Variants in CDC42BPA observed in about 807,000 individuals in gnomAD.
CDC42BPA encodes the protein serine/threonine-protein kinase MRCK alpha.
Under a neutral mutation model 223.5 loss-of-function variants are expected in CDC42BPA, and 80 were observed. The ratio of observed to expected loss-of-function variants is 0.36; its 90% CI spans 0.30 to 0.43. CDC42BPA has a LOEUF of 0.43. Ranked by LOEUF, CDC42BPA falls within the 20% of genes least tolerant of loss-of-function variation. The pLI is 1.00. For synonymous variants in CDC42BPA, 694 were observed against 718.6 expected (o/e 0.97, Z 0.55); for missense variants, 1,743 against 2,099.9 (o/e 0.83, Z 3.32).
chr1:227,308,590 A>G (rs116348794), intron 1 of CDC42BPA, among the ~76,000 whole-genome samples: 7 of 152,198 alleles, frequency 4.6e-5, no homozygotes, highest in African/African-American at 1.7e-4. Context: ...AGAATCCTAA[A>G]CCAACTTTTA....
intron 34 of CDC42BPA, among the ~76,000 whole-genome samples, chr1:227,007,776 T>C (rs888335089): frequency 6.6e-6 from 1 of 152,366 alleles, no homozygotes; most frequent in Non-Finnish European, 1.5e-5. Flanking sequence ...GTATGACTTA[T>C]GTTTATTCAT....
chr1:227,049,565 G>C (rs1673123940), intron 22 of CDC42BPA, among the ~76,000 whole-genome samples: 2 of 152,028 alleles, frequency 1.3e-5, no homozygotes, highest in Admixed American at 6.6e-5. Flanking sequence ...GACCTTAAAA[G>C]TAATATGAAA....
At chr1:227,136,376 G>C (rs1280220077) in intron 10 of CDC42BPA, among the ~76,000 whole-genome samples, 3 of 152,090 alleles carry the variant, frequency 2.0e-5, no homozygotes, top group African/African-American at 4.8e-5. Flanking sequence ...GGAAGGAACA[G>C]AACAGAGCAT....
At chr1:227,156,810 G>A (rs540003644) in intron 6 of CDC42BPA, among the ~76,000 whole-genome samples, 1 of 152,262 alleles carries the variant, frequency 6.6e-6, no homozygotes, top group Non-Finnish European at 1.5e-5. Flanking sequence ...CAGGACTGGA[G>A]AATCACTAGC....
chr1:227,232,374 T>A (rs1678146724), intron 2 of CDC42BPA, among the ~76,000 whole-genome samples: 1 of 152,200 alleles, frequency 6.6e-6, no homozygotes, highest in South Asian at 2.1e-4. Flanking sequence ...GCTGTTTTGG[T>A]TACTGTAGCC....
At chr1:227,301,628 G>C (rs1691647116) in intron 1 of CDC42BPA, among the ~76,000 whole-genome samples, 2 of 152,094 alleles carry the variant, frequency 1.3e-5, no homozygotes, top group South Asian at 2.1e-4. Flanking sequence ...AAAATGCTGG[G>C]ATTACAGGCA....
At chr1:227,071,746 G>T (rs1678422478) in intron 20 of CDC42BPA, among the ~76,000 whole-genome samples, 1 of 116,010 alleles carries the variant, frequency 8.6e-6, no homozygotes, top group Non-Finnish European at 1.6e-5. Flanking sequence ...TACATTCTAG[G>T]CACATAAAAA....
chr1:227,213,703 G>A (rs1674339049), intron 2 of CDC42BPA, among the ~76,000 whole-genome samples: 1 of 151,908 alleles, frequency 6.6e-6, no homozygotes, highest in Admixed American at 6.6e-5. Context: ...AACTGAAAAC[G>A]ATCCTATTTT....
At chr1:227,053,697 A>T (rs1673992081) in intron 21 of CDC42BPA, among the ~76,000 whole-genome samples, 1 of 152,204 alleles carries the variant, frequency 6.6e-6, no homozygotes, top group South Asian at 2.1e-4. Context: ...AGGCTAAGTT[A>T]TATTATTTCC....
intron 6 of CDC42BPA, among the ~76,000 whole-genome samples, chr1:227,151,315 T>C (rs1661709500): frequency 6.6e-6 from 1 of 152,240 alleles, no homozygotes; most frequent in Non-Finnish European, 1.5e-5. Flanking sequence ...ATCCATGTTG[T>C]AGCACGTGTC....
At chr1:227,031,082 A>G (rs1020493555) in intron 28 of CDC42BPA, among the ~76,000 whole-genome samples, 10 of 151,748 alleles carry the variant, frequency 6.6e-5, no homozygotes, top group African/African-American at 1.2e-4. Flanking sequence ...TTTTTTCAGG[A>G]AAAAAAAGGC....
intron 2 of CDC42BPA, among the ~76,000 whole-genome samples, chr1:227,237,284 C>G (rs1054625240): frequency 7.9e-5 from 12 of 152,054 alleles, no homozygotes; most frequent in Non-Finnish European, 1.3e-4. Flanking sequence ...ATGAGTAATA[C>G]ATTTACATGC....
chr1:227,085,108 C>T (rs74140289), intron 16 of CDC42BPA, among the ~76,000 whole-genome samples: 8,818 of 152,106 alleles, frequency 0.058, 847 homozygotes, highest in African/African-American at 0.2. Context: ...ATGCAGATCT[C>T]GGGACTTGTC....
intron 35 of CDC42BPA, among the ~76,000 whole-genome samples, chr1:226,999,050 T>A (rs956561950): frequency 6.6e-6 from 1 of 152,030 alleles, no homozygotes; most frequent in Non-Finnish European, 1.5e-5. Flanking sequence ...AAAAAGCTCA[T>A]CATCACTGGT....
chr1:227,226,257 C>T (rs542707669), intron 2 of CDC42BPA, among the ~76,000 whole-genome samples: 2 of 152,326 alleles, frequency 1.3e-5, no homozygotes, highest in East Asian at 1.9e-4. Context: ...CTCCGAGATT[C>T]CAAGTCAGAA....
At position 227,228,622 on chromosome 1, in the gene CDC42BPA, T is replaced by C. The variant is rs556699038; in HGVS notation, c.271-15403A>G. Among the ~76,000 whole-genome samples the C allele has an allele frequency of 1.5e-4, 23 of 152,286 alleles. 1 individual carries two copies. In the South Asian group the frequency reaches 4.8e-3, roughly 32 times the overall value. ...GGAACTCTCTAATTTCTTTACAAAG[T>C]GGTTACACTATTTTACATTCTACCA... On this transcript the variant is annotated intron_variant, in intron 2 of 36. Transcript: ENST00000366766.
chr1:227,015,088 C>T (rs61834005), intron 34 of CDC42BPA, among the ~76,000 whole-genome samples: 63,526 of 151,448 alleles, frequency 0.42, 13,598 homozygotes, highest in Non-Finnish European at 0.46. Flanking sequence ...CCCGAGTAAC[C>T]AGGACTACAG....
At chr1:227,034,870 C>T in intron 25 of CDC42BPA, 76 bp from the exon 26 acceptor site, 1 of 1,296,974 alleles carries the variant, frequency 7.7e-7, no homozygotes, top group Non-Finnish European at 1.1e-6. Flanking sequence ...TATGTAATTG[C>T]ATGGTGAAGA....
intron 14 of CDC42BPA, among the ~76,000 whole-genome samples, chr1:227,104,033 AAG>A (rs1275419384): frequency 4.6e-5 from 7 of 152,160 alleles, no homozygotes; most frequent in African/African-American, 1.7e-4. Flanking sequence ...ACACTTCAAA[AAG>A]TAAAATTTTT....
Sources: gnomAD v4.1 joint callset for allele counts (sites outside exome capture counted in the v4.1 genomes callset) on GRCh38, gnomAD v4.1.1 for gene constraint, MANE v1.5 for transcripts, NCBI Gene and HGNC (gene_info 2026-07-23, HGNC 2026-07-21) for gene names.